Variants in BTBD9 observed in about 807,000 individuals in gnomAD.
BTBD9 encodes the protein BTB domain containing 9.
In BTBD9, 49 loss-of-function variants were observed where a neutral mutation model predicts 64.3. The observed-to-expected ratio is 0.76, with a 90% CI of 0.61 to 0.97. The LOEUF (loss-of-function observed/expected upper bound fraction) is 0.97. BTBD9 is among the 50% of genes least tolerant of loss of function. BTBD9 has a pLI of 0.00. For missense variants in BTBD9, 598 were observed against 762.1 expected, an observed-to-expected ratio of 0.78 and a Z score of 2.53; for synonymous variants, 260 against 274.7, an observed-to-expected ratio of 0.95 and a Z score of 0.53.
At chr6:38,566,083 G>C (rs750274437) in intron 6 of BTBD9, 1 of 151,894 alleles carries the variant, frequency 6.6e-6, no homozygotes, top group African/African-American at 2.4e-5. Context: ...AATTTTAAGG[G>C]GAAAGTAGAT....
chr6:38,209,911 G>T (rs2127498386), intron 9 of BTBD9, among the ~76,000 whole-genome samples: 1 of 152,276 alleles, frequency 6.6e-6, no homozygotes, highest in African/African-American at 2.4e-5. Flanking sequence ...CTTGAGTTTT[G>T]CCTTCTGTGC....
intron 7 of BTBD9, among the ~76,000 whole-genome samples, chr6:38,340,541 G>GT (rs974339136): frequency 1.3e-5 from 2 of 152,138 alleles, no homozygotes; most frequent in African/African-American, 4.8e-5. Flanking sequence ...AACTCAAAAT[G>GT]TATGTACTTA....
chr6:38,186,541 T>G (rs1039014907), intron 10 of BTBD9, among the ~76,000 whole-genome samples: 3 of 152,108 alleles, frequency 2.0e-5, no homozygotes, highest in Non-Finnish European at 4.4e-5. Flanking sequence ...TTGCTTTCTT[T>G]GACTGACTGA....
chr6:38,522,577 A>G (rs991890916), intron 6 of BTBD9, among the ~76,000 whole-genome samples: 10 of 152,206 alleles, frequency 6.6e-5, no homozygotes, highest in African/African-American at 2.4e-4. Context: ...ATGTTCTTCA[A>G]CAAATAAGCC....
At chr6:38,340,193 T>C (rs1473469972) in intron 7 of BTBD9, among the ~76,000 whole-genome samples, 1 of 152,260 alleles carries the variant, frequency 6.6e-6, no homozygotes, top group East Asian at 1.9e-4. Flanking sequence ...TATGTGCACG[T>C]ATTTCCTAGT....
At chr6:38,482,389 T>C (rs1158585978) in intron 6 of BTBD9, 2 of 151,740 alleles carry the variant, frequency 1.3e-5, no homozygotes, top group African/African-American at 4.8e-5. Context: ...GGTAGTGAGG[T>C]GTGAGGTGAT....
intron 1 of BTBD9, among the ~76,000 whole-genome samples, chr6:38,620,576 C>G (rs796561283): frequency 1.3e-5 from 2 of 152,132 alleles, no homozygotes; most frequent in East Asian, 3.9e-4. Context: ...CTCATGCCAG[C>G]AGGCTACTCT....
intron 6 of BTBD9, among the ~76,000 whole-genome samples, chr6:38,489,127 C>T (rs1771586811): frequency 6.6e-6 from 1 of 152,100 alleles, no homozygotes; most frequent in East Asian, 1.9e-4. Context: ...AATTCCTGGG[C>T]TCAAGTGATC....
intron 9 of BTBD9, among the ~76,000 whole-genome samples, chr6:38,210,817 T>C (rs1000803279): frequency 3.9e-5 from 6 of 152,150 alleles, no homozygotes; most frequent in Non-Finnish European, 5.9e-5. Flanking sequence ...CCTTTACCCT[T>C]GTCTATTATC....
intron 2 of BTBD9, chr6:38,596,113 G>A: frequency 1.1e-6 from 1 of 936,592 alleles, no homozygotes; most frequent in Non-Finnish European, 1.3e-6. Context: ...TCTTCTGACA[G>A]CTGACAATTA....
At chr6:38,351,125 T>A (rs571825491) in intron 6 of BTBD9, among the ~76,000 whole-genome samples, 9 of 152,376 alleles carry the variant, frequency 5.9e-5, no homozygotes, top group African/African-American at 2.2e-4. Flanking sequence ...AAAGATTTGT[T>A]ACTCTTAGAA....
At chr6:38,250,799 G>C (rs1029223688) in intron 9 of BTBD9, among the ~76,000 whole-genome samples, 1 of 152,204 alleles carries the variant, frequency 6.6e-6, no homozygotes, top group African/African-American at 2.4e-5. Flanking sequence ...TAGGCCGAGC[G>C]AGGTGGCTCA....
chr6:38,638,801 A>G (rs555159879), intron 1 of BTBD9, among the ~76,000 whole-genome samples: 6 of 152,240 alleles, frequency 3.9e-5, no homozygotes, highest in Non-Finnish European at 8.8e-5. Flanking sequence ...TAATCAACAG[A>G]AAGAAAAGAC....
chr6:38,321,023 A>G (rs1444698065), intron 7 of BTBD9, among the ~76,000 whole-genome samples: 1 of 152,228 alleles, frequency 6.6e-6, no homozygotes, highest in East Asian at 1.9e-4. Context: ...TTTCTGACCT[A>G]CTGAATCAGA....
rs573006641 is a variant in BTBD9 at position 38,244,128 on chromosome 6, T to C, written c.1562+12281A>G. Among the ~76,000 whole-genome samples the C allele has an allele frequency of 3.3e-5, 5 of 152,324 alleles. No homozygotes were observed. In the South Asian group the frequency reaches 1.0e-3, roughly 32 times the overall value. ...GACCAACAAATAGGCTCTACTTTCC[T>C]TTTTTTGCAGATGCCCATGCTGACT... On this transcript the variant is annotated intron_variant, in intron 9 of 10. Coordinates refer to ENST00000481247, the MANE Select transcript of BTBD9 (RefSeq NM_001099272.2).
intron 9 of BTBD9, among the ~76,000 whole-genome samples, chr6:38,208,518 G>C (rs766690042): frequency 1.5e-4 from 23 of 152,120 alleles, no homozygotes; most frequent in Non-Finnish European, 2.2e-4. Context: ...CTGCATGTCT[G>C]TCCCCGCTAG....
chr6:38,327,059 G>C (rs1763467651), intron 7 of BTBD9, among the ~76,000 whole-genome samples: 1 of 151,962 alleles, frequency 6.6e-6, no homozygotes, highest in South Asian at 2.1e-4. Context: ...TCATTACAGG[G>C]GCAGAATTGA....
At chr6:38,559,738 C>G (rs1200623259) in intron 6 of BTBD9, among the ~76,000 whole-genome samples, 1 of 152,112 alleles carries the variant, frequency 6.6e-6, no homozygotes, top group Non-Finnish European at 1.5e-5. Context: ...ACATGTAGCT[C>G]AATGGAACAA....
At chr6:38,302,487 A>ATGTGTGTGTG (rs551031528) in intron 7 of BTBD9, among the ~76,000 whole-genome samples, 68 of 20,848 alleles carry the variant, frequency 3.3e-3, no homozygotes, top group African/African-American at 9.2e-3. Context: ...GTGTGTATGT[A>ATGTGTGTGTG]TATATATATA....
Sources: gnomAD v4.1 joint callset for allele counts (sites outside exome capture counted in the v4.1 genomes callset) on GRCh38, gnomAD v4.1.1 for gene constraint, MANE v1.5 for transcripts, NCBI Gene and HGNC (gene_info 2026-07-23, HGNC 2026-07-21) for gene names.